ANO4: variants seen among roughly 807,000 people sequenced by gnomAD.
ANO4 encodes anoctamin-4.
Under a neutral mutation model 141.9 loss-of-function variants are expected in ANO4, and 69 were observed. The ratio of observed to expected loss-of-function variants is 0.49; its 90% CI spans 0.40 to 0.59. The LOEUF is 0.59. ANO4 is among the 20% of genes least tolerant of loss of function. The pLI, the probability that ANO4 is intolerant of heterozygous loss-of-function variation, is 0.00. For missense variants in ANO4, 894 were observed against 1,162.2 expected (o/e 0.77, Z 3.36); for synonymous variants, 350 against 394.3 (o/e 0.89, Z 1.33).
chr12:101,083,672 C>A lies in ANO4; in HGVS notation c.1396-6C>A. 6.2e-7 allele frequency: 1 copy of A among 1,601,944 alleles called. No homozygotes were observed. Among genetic ancestry groups the A allele is most frequent in the Non-Finnish European group, 8.5e-7 (1 of 1,177,156 alleles). On this transcript the variant is annotated splice_polypyrimidine_tract_variant and splice_region_variant and intron_variant, in intron 15 of 27. Coordinates refer to ENST00000392977, the MANE Select transcript of ANO4 (RefSeq NM_001286615.2). ...GTGCATTAAAATGTGTCTGCTTGTC[C>A]TTTAGGAAGAAATACGACCCCAGTT...
In ANO4 at chr12:101,062,828, G is replaced by A. The variant is rs534895355; in HGVS notation, c.1312+14427G>A. ...GCTCTTAGCTTGCTGGGCTCCGTAG[G>A]GGTGGGATCCGCTGAGCTAGACTGC... On this transcript the variant is annotated intron_variant, in intron 14 of 27. Transcript: ENST00000392977. Among the ~76,000 whole-genome samples, 32 of 152,352 alleles carry A rather than the reference G, an allele frequency of 2.1e-4. No homozygotes were observed. The South Asian group carries it at 6.0e-3, about 29-fold the overall frequency.
exon 3 of ANO4, chr12:100,739,986 G>C: frequency 1.4e-6 from 1 of 702,398 alleles, no homozygotes; most frequent in Non-Finnish European, 2.6e-6. Context: ...GTGTACCACC[G>C]ATCCTTCACC....
intron 11 of ANO4, 95 bp downstream of exon 11, chr12:101,040,171 T>C (rs2047359688): frequency 2.1e-6 from 3 of 1,452,006 alleles, no homozygotes; most frequent in Non-Finnish European, 9.2e-7. Context: ...AAAAAGAGCC[T>C]GAAGTGTACA....
At chr12:100,751,449 T>C (rs1029352952) in intron 3 of ANO4, among the ~76,000 whole-genome samples, 7 of 152,114 alleles carry the variant, frequency 4.6e-5, no homozygotes, top group Admixed American at 4.6e-4. Flanking sequence ...ACCTAACAGA[T>C]TGGGAAACAC....
intron 3 of ANO4, among the ~76,000 whole-genome samples, chr12:100,763,564 A>G (rs1485693437): frequency 6.6e-6 from 1 of 151,978 alleles, no homozygotes; most frequent in Non-Finnish European, 1.5e-5. Flanking sequence ...ATCCACAGTC[A>G]CCTGTTTACA....
At chr12:100,953,170 A>G (rs183682089) in intron 5 of ANO4, among the ~76,000 whole-genome samples, 278 of 152,348 alleles carry the variant, frequency 1.8e-3, no homozygotes, top group Non-Finnish European at 3.4e-3. Context: ...TTATGAAAGG[A>G]ATTGAAGTCC....
rs368575503 is a variant in ANO4, at chr12:101,020,170, A to G, written c.841+30A>G. 7 of 1,460,584 alleles carry G rather than the reference A, an allele frequency of 4.8e-6. No individual in the cohort carries two copies. The African/African-American group carries it at 8.5e-5, about 18-fold the overall frequency. 90.5% of individuals were successfully genotyped at this position (1,460,584 alleles called of 1,614,324 possible). A position where few individuals can be genotyped will look rare whatever the true frequency, so the allele number is the denominator to read the frequency against. ...GTAGTATGTTAGTATAACAAACTAC[A>G]TTTGGCATTTGGGAATTACAGACTT... On this transcript the variant is annotated intron_variant, in intron 9 of 27. Transcript: ENST00000392977.
intron 3 of ANO4, 86 bp downstream of exon 3, chr12:100,922,416 T>A: frequency 1.2e-6 from 1 of 857,324 alleles, no homozygotes. Context: ...AAACCTTAGA[T>A]GTCAAGCTTT....
At chr12:101,069,700 C>T (rs2048732148) in intron 14 of ANO4, among the ~76,000 whole-genome samples, 1 of 152,104 alleles carries the variant, frequency 6.6e-6, no homozygotes, top group Non-Finnish European at 1.5e-5. Context: ...CCTGTTACTC[C>T]CCTGGTAGTC....
intron 8 of ANO4, among the ~76,000 whole-genome samples, chr12:101,000,922 A>G (rs1393970873): frequency 6.6e-6 from 1 of 152,230 alleles, no homozygotes; most frequent in Admixed American, 6.5e-5. Context: ...CTGTAAATAC[A>G]TAGTTTGTTT....
At chr12:100,966,678 A>AC (rs996215384) in intron 5 of ANO4, among the ~76,000 whole-genome samples, 1 of 151,776 alleles carries the variant, frequency 6.6e-6, no homozygotes, top group African/African-American at 2.4e-5. Flanking sequence ...CTACCTCTGT[A>AC]CCCCCATCCC....
intron 3 of ANO4, among the ~76,000 whole-genome samples, chr12:100,926,041 G>GA (rs565117610): frequency 1.7e-4 from 26 of 152,024 alleles, no homozygotes; most frequent in Non-Finnish European, 3.2e-4. Flanking sequence ...TTTTAAAGGT[G>GA]AAAAAACTGA....
At chr12:101,126,759 C>T (rs535899607) in intron 26 of ANO4, 120 bp from the exon 27 acceptor site, 365 of 847,826 alleles carry the variant, frequency 4.3e-4, no homozygotes, top group Non-Finnish European at 6.2e-4. Context: ...CACACGCCTC[C>T]CCTGGTCACT....
At chr12:101,059,076 T>A (rs985902672) in intron 14 of ANO4, among the ~76,000 whole-genome samples, 2 of 152,142 alleles carry the variant, frequency 1.3e-5, no homozygotes. Flanking sequence ...CATGAAGCGG[T>A]GTTGAATTTT....
In ANO4 at chr12:100,852,178, C is replaced by A. The variant is rs866635857; in HGVS notation, c.-140-49468C>A. Reference sequence around the variant, plus strand: ...TCCAGGCACAGGGATCCTATGTATACCCTCCTTCCTTTTGAAATTTGTGCT... The same window carrying A: ...TCCAGGCACAGGGATCCTATGTATAACCTCCTTCCTTTTGAAATTTGTGCT... On this transcript the variant is annotated intron_variant, in intron 1 of 27. Coordinates refer to ENST00000392977, the MANE Select transcript of ANO4 (RefSeq NM_001286615.2). Among the ~76,000 whole-genome samples the A allele has an allele frequency of 3.3e-4, 51 of 152,284 alleles. 1 individual carries two copies. The highest frequency in any genetic ancestry group is 1.2e-3 in the African/African-American group (48 of 41,562).
At chr12:100,953,242 A>G (rs1264718502) in intron 5 of ANO4, among the ~76,000 whole-genome samples, 2 of 152,228 alleles carry the variant, frequency 1.3e-5, no homozygotes, top group African/African-American at 4.8e-5. Flanking sequence ...AAAATTATGC[A>G]AAGTATATAT....
intron 14 of ANO4, among the ~76,000 whole-genome samples, chr12:101,077,431 G>C (rs759362468): frequency 1.4e-4 from 21 of 152,154 alleles, no homozygotes; most frequent in South Asian, 4.1e-4. Flanking sequence ...ACCTGGGGAT[G>C]GTCTTGGGGA....
At chr12:100,922,095 C>G in intron 2 of ANO4, 131 bp from the exon 3 acceptor site, 4 of 465,396 alleles carry the variant, frequency 8.6e-6, no homozygotes, top group East Asian at 3.7e-5. Context: ...AGTCCTTTGT[C>G]TAAGAAGGAG....
intron 3 of ANO4, among the ~76,000 whole-genome samples, chr12:100,930,924 C>A (rs1191247894): frequency 2.0e-5 from 3 of 152,104 alleles, no homozygotes; most frequent in South Asian, 2.1e-4. Context: ...TCCATGGCCC[C>A]TGAAACTCCT....
Sources: gnomAD v4.1 joint callset for allele counts (sites outside exome capture counted in the v4.1 genomes callset) on GRCh38, gnomAD v4.1.1 for gene constraint, MANE v1.5 for transcripts, NCBI Gene and HGNC (gene_info 2026-07-23, HGNC 2026-07-21) for gene names.